DAP: variants seen among roughly 807,000 people sequenced by gnomAD.
DAP encodes the protein death-associated protein 1.
In DAP, 8 loss-of-function variants were observed where a neutral mutation model predicts 13.8. The ratio of observed to expected loss-of-function variants is 0.58; its 90% CI spans 0.34 to 1.05. The LOEUF is 1.05. Ranked by LOEUF, DAP falls within the 50% of genes least tolerant of loss-of-function variation. The probability of loss-of-function intolerance (pLI) is 0.03; values close to 1 mark genes in which losing one functional copy is unlikely to be tolerated. For synonymous variants in DAP, 47 were observed against 47.5 expected (o/e 0.99, Z 0.04); for missense variants, 106 against 133.2 (o/e 0.80, Z 1.01).
At chr5:10,730,807 G>C (rs549883932) in intron 2 of DAP, among the ~76,000 whole-genome samples, 4 of 118,910 alleles carry the variant, frequency 3.4e-5, no homozygotes, top group African/African-American at 1.4e-4. Flanking sequence ...GAGCCCTGGT[G>C]GGGGGAATCC....
chr5:10,695,299 G>C (rs1173624717), intron 2 of DAP, among the ~76,000 whole-genome samples: 1 of 152,228 alleles, frequency 6.6e-6, no homozygotes, highest in African/African-American at 2.4e-5. Flanking sequence ...AGGAGAAATG[G>C]AAGCCGGCCA....
chr5:10,760,245 G>A (rs1175978893), intron 1 of DAP, among the ~76,000 whole-genome samples: 1 of 152,140 alleles, frequency 6.6e-6, no homozygotes, highest in Admixed American at 6.5e-5. Context: ...CTTCTCACCA[G>A]TGTCCCTCCA....
chr5:10,745,534 G>A (rs990470272), intron 2 of DAP, among the ~76,000 whole-genome samples: 2 of 152,132 alleles, frequency 1.3e-5, no homozygotes, highest in Non-Finnish European at 2.9e-5. Context: ...TGGGGTGCTC[G>A]ATCTTTCCTC....
chr5:10,698,282 C>CAAAAAAAAAAA (rs71613386), intron 2 of DAP, among the ~76,000 whole-genome samples: 23 of 42,868 alleles, frequency 5.4e-4, no homozygotes, highest in Admixed American at 9.6e-4. Flanking sequence ...CCAGACTTAG[C>CAAAAAAAAAAA]AAAAAAAAAA....
chr5:10,759,302 G>C (rs1740280075), intron 1 of DAP, among the ~76,000 whole-genome samples: 1 of 152,160 alleles, frequency 6.6e-6, no homozygotes, highest in South Asian at 2.1e-4. Flanking sequence ...CTGGGGAGTG[G>C]AGGGCCAGAG....
chr5:10,684,779 G>A (rs1738114682), intron 2 of DAP, among the ~76,000 whole-genome samples: 1 of 152,166 alleles, frequency 6.6e-6, no homozygotes, highest in African/African-American at 2.4e-5. Flanking sequence ...TAGTGGACAA[G>A]GTGTGTGCAC....
Position 10,748,284 on chromosome 5 carries a change from C to G in DAP, c.56-13G>C, listed in dbSNP as rs908836912. ...CCACCAGCTTTCACTGAAATGAAAA[C>G]AGAGAGTGTGGGATTAATGTGGAAA... On this transcript the variant is annotated splice_polypyrimidine_tract_variant and intron_variant, in intron 1 of 3. Coordinates refer to ENST00000230895, the MANE Select transcript of DAP (RefSeq NM_004394.3). 3.7e-6 allele frequency: 6 copies of G among 1,610,346 alleles called. No homozygotes were observed. Among genetic ancestry groups the G allele is most frequent in the Admixed American group, 3.3e-5 (2 of 59,978 alleles).
chr5:10,731,869 AGG>A (rs1199353024), intron 2 of DAP, among the ~76,000 whole-genome samples: 2 of 152,174 alleles, frequency 1.3e-5, no homozygotes, highest in African/African-American at 4.8e-5. Context: ...CAGCCTGTGG[AGG>A]CAGCTGCTCT....
intron 2 of DAP, among the ~76,000 whole-genome samples, chr5:10,715,695 G>A (rs1738966943): frequency 1.3e-5 from 2 of 152,216 alleles, no homozygotes; most frequent in Non-Finnish European, 2.9e-5. Flanking sequence ...AGGTCTCAAG[G>A]AAAACAGGGG....
At chr5:10,688,616 A>G (rs1007362955) in intron 2 of DAP, among the ~76,000 whole-genome samples, 2 of 152,228 alleles carry the variant, frequency 1.3e-5, no homozygotes, top group Non-Finnish European at 2.9e-5. Context: ...ACAAGTTAAA[A>G]TCACTTGTAC....
intron 2 of DAP, among the ~76,000 whole-genome samples, chr5:10,743,364 T>C (rs780981268): frequency 1.3e-5 from 2 of 152,210 alleles, no homozygotes; most frequent in Non-Finnish European, 2.9e-5. Context: ...TGTGAATTGT[T>C]GGCTTACTTG....
intron 2 of DAP, among the ~76,000 whole-genome samples, chr5:10,715,829 C>T (rs1451105077): frequency 6.6e-6 from 1 of 152,208 alleles, no homozygotes; most frequent in African/African-American, 2.4e-5. Context: ...AAGGAGCTGG[C>T]ACTGAGGTAT....
chr5:10,759,595 T>A (rs1336444573), intron 1 of DAP, among the ~76,000 whole-genome samples: 1 of 152,170 alleles, frequency 6.6e-6, no homozygotes, highest in Non-Finnish European at 1.5e-5. Flanking sequence ...CCAGTGCCAG[T>A]TAGTTTTGTT....
chr5:10,682,864 GAC>G (rs1306022725), intron 3 of DAP, among the ~76,000 whole-genome samples: 2 of 152,228 alleles, frequency 1.3e-5, no homozygotes, highest in African/African-American at 4.8e-5. Context: ...TTGGGGGCAG[GAC>G]AGAACCAAAT....
chr5:10,702,922 A>G (rs956727801), intron 2 of DAP, among the ~76,000 whole-genome samples: 2 of 152,200 alleles, frequency 1.3e-5, no homozygotes, highest in East Asian at 1.9e-4. Flanking sequence ...TAACATGCAG[A>G]CAGATGTGCA....
At chr5:10,701,197 G>T (rs62337574) in intron 2 of DAP, among the ~76,000 whole-genome samples, 7,842 of 152,320 alleles carry the variant, frequency 0.051, 234 homozygotes, top group South Asian at 0.081. Context: ...TTTAAAGTGA[G>T]ATACATGCAT....
At chr5:10,759,897 G>A (rs1185733414) in intron 1 of DAP, among the ~76,000 whole-genome samples, 1 of 151,976 alleles carries the variant, frequency 6.6e-6, no homozygotes, top group East Asian at 1.9e-4. Flanking sequence ...TGGGATTACA[G>A]GCGCCCGCCA....
intron 2 of DAP, among the ~76,000 whole-genome samples, chr5:10,709,835 C>T (rs1453833695): frequency 1.3e-5 from 2 of 152,238 alleles, no homozygotes; most frequent in African/African-American, 4.8e-5. Flanking sequence ...GGGAAGAGTG[C>T]TGGGCACTGC....
At chr5:10,684,265 C>G (rs1738103031) in intron 2 of DAP, among the ~76,000 whole-genome samples, 1 of 152,218 alleles carries the variant, frequency 6.6e-6, no homozygotes, top group South Asian at 2.1e-4. Context: ...GACTTTCTCA[C>G]TGCCTCCTCA....
Sources: allele counts gnomAD v4.1 joint callset (sites outside exome capture counted in the v4.1 genomes callset), GRCh38; gene constraint gnomAD v4.1.1; transcripts MANE v1.5; gene names NCBI Gene and HGNC (gene_info 2026-07-23, HGNC 2026-07-21).